PGM1: variants seen among roughly 807,000 people sequenced by gnomAD.
PGM1 encodes the protein phosphoglucomutase-1.
In PGM1, 52 loss-of-function variants were observed where a neutral mutation model predicts 55.6. The ratio of observed to expected loss-of-function variants is 0.94; its 90% CI spans 0.75 to 1.18. The LOEUF (loss-of-function observed/expected upper bound fraction) is 1.18. PGM1 is among the 50% of genes most tolerant of loss of function. The pLI, the probability that PGM1 is intolerant of heterozygous loss-of-function variation, is 0.00. For missense variants in PGM1, 724 were observed against 729.3 expected, an observed-to-expected ratio of 0.99 and a Z score of 0.08; for synonymous variants, 287 against 271.7, an observed-to-expected ratio of 1.06 and a Z score of -0.55.
At position 63,604,917 on chromosome 1, in the gene PGM1, CTGT is replaced by C. The variant is rs1295289768; in HGVS notation, c.246+11184_246+11186del. On this transcript the variant is annotated intron_variant, in intron 1 of 10. Coordinates refer to ENST00000371084, the MANE Select transcript of PGM1 (RefSeq NM_002633.3). The stretch of plus-strand genomic sequence containing the variant: ...TATATAGGGAGGGAGTTACATAACT[CTGT>C]GTGTGTGTGTGTGTGTGTGTGTGTG... Among the ~76,000 whole-genome samples, 163 of 118,836 alleles carry C rather than the reference CTGT, an allele frequency of 1.4e-3. 1 individual carries two copies. Among genetic ancestry groups the C allele is most frequent in the South Asian group, 5.8e-3 (19 of 3,302 alleles). The allele number at this position is 118,836 out of a possible 152,430, so 78.0% of individuals were successfully genotyped here.
intron 1 of PGM1, among the ~76,000 whole-genome samples, chr1:63,618,024 A>G (rs1200139957): frequency 6.6e-6 from 1 of 152,206 alleles, no homozygotes; most frequent in Admixed American, 6.5e-5. Context: ...AAATAATAAC[A>G]GCAGATCCTT....
intron 1 of PGM1, chr1:63,594,024 T>A: frequency 1.8e-6 from 2 of 1,112,544 alleles, no homozygotes; most frequent in Non-Finnish European, 2.2e-6. Context: ...TCTCCGTCTC[T>A]AGCCGCTGCC....
intron 1 of PGM1, among the ~76,000 whole-genome samples, chr1:63,615,899 T>A (rs1438250241): frequency 6.6e-6 from 1 of 152,080 alleles, no homozygotes; most frequent in Non-Finnish European, 1.5e-5. Flanking sequence ...ATTTCCCTTG[T>A]GATCTTGGTG....
At chr1:63,651,340 T>G (rs1649801268) in intron 8 of PGM1, 1 of 291,410 alleles carries the variant, frequency 3.4e-6, no homozygotes. Flanking sequence ...TCATTTTACC[T>G]CCTCAGGATG....
rs140035988 is a variant in PGM1, at chr1:63,638,799, C to T, written c.1143C>T (p.Thr381=). The T allele has an allele frequency of 1.2e-4, 194 of 1,602,308 alleles. No homozygotes were observed. The highest frequency in any genetic ancestry group is 1.0e-3 in the African/African-American group (75 of 74,802). The change falls in exon 7 of 11, where the codon ACC becomes ACT. Residue 381 remains threonine (T), a splice_region_variant and synonymous_variant. Transcript: ENST00000371084. ...LSLCGEESFG[T]GSDHIREKDG... is the part of the protein sequence containing the mutation. The stretch of plus-strand genomic sequence containing the variant: ...TTTGTGGGGAGGAGAGCTTCGGGAC[C>T]GGTAAGTCACACTCCTGTGCTAGCA...
chr1:63,654,622 T>C (rs1649911310), intron 10 of PGM1, among the ~76,000 whole-genome samples, 156 bp downstream of exon 10: 1 of 152,078 alleles, frequency 6.6e-6, no homozygotes, highest in Non-Finnish European at 1.5e-5. Flanking sequence ...GTCAACATTA[T>C]AGATAATAAT....
chr1:63,625,286 A>G (rs1008325815), intron 1 of PGM1, among the ~76,000 whole-genome samples: 1 of 152,206 alleles, frequency 6.6e-6, no homozygotes, highest in African/African-American at 2.4e-5. Context: ...AATTGACTAA[A>G]TATGGTAGCT....
chr1:63,614,137 A>G lies in PGM1; in HGVS notation c.247-15288A>G, dbSNP rs1351100671. ...ATATTCACTGTGCTGAGCACTTTACATGATCTCATATAGTCTTTTCAACAA... is the reference window on the plus strand; with the variant it reads ...ATATTCACTGTGCTGAGCACTTTACGTGATCTCATATAGTCTTTTCAACAA... On this transcript the variant is annotated intron_variant, in intron 1 of 10. Transcript: ENST00000371084. 2.0e-5 allele frequency among the ~76,000 whole-genome samples: 3 copies of G among 152,228 alleles called. No individual in the cohort carries two copies. In the East Asian group the frequency reaches 5.8e-4, roughly 29 times the overall value.
intron 1 of PGM1, among the ~76,000 whole-genome samples, chr1:63,613,060 C>T (rs1042072301): frequency 9.9e-5 from 15 of 152,090 alleles, no homozygotes; most frequent in African/African-American, 3.6e-4. Flanking sequence ...GAGATGCAGT[C>T]TCTCCATACC....
chr1:63,593,791 C>G (rs535087550), intron 1 of PGM1, 57 bp downstream of exon 1: 4 of 1,492,668 alleles, frequency 2.7e-6, no homozygotes, highest in Admixed American at 2.2e-5. Context: ...CGACGTGCGG[C>G]CCGCGGCGCC....
chr1:63,593,904 C>T (rs1647954102), intron 1 of PGM1, 170 bp downstream of exon 1: 9 of 1,245,146 alleles, frequency 7.2e-6, no homozygotes, highest in Non-Finnish European at 9.0e-6. Context: ...GGAGGCCCGA[C>T]GGAGGTCGCC....
intron 7 of PGM1, among the ~76,000 whole-genome samples, chr1:63,642,955 C>T (rs1649556362): frequency 6.6e-6 from 1 of 152,184 alleles, no homozygotes; most frequent in Admixed American, 6.5e-5. Context: ...AAGGCCTTCT[C>T]ATAGAGGGCT....
chr1:63,631,405 C>A (rs1489234852), intron 3 of PGM1, among the ~76,000 whole-genome samples: 1 of 152,198 alleles, frequency 6.6e-6, no homozygotes, highest in Non-Finnish European at 1.5e-5. Flanking sequence ...CTTAACCCTT[C>A]ACACGTCGAG....
chr1:63,645,149 G>T (rs569031816), intron 7 of PGM1, among the ~76,000 whole-genome samples: 149 of 152,336 alleles, frequency 9.8e-4, no homozygotes, highest in Non-Finnish European at 1.7e-3. Context: ...AGAGGCTGAG[G>T]ATTATGCAAT....
chr1:63,627,053 AC>A (rs56944675), intron 1 of PGM1, among the ~76,000 whole-genome samples: 31,839 of 93,074 alleles, frequency 0.34, 5,441 homozygotes, highest in East Asian at 0.43. Context: ...ATATGGCAGG[AC>A]CCCCCCCCCC....
chr1:63,659,480 A>G, intron 10 of PGM1, 106 bp from the exon 11 acceptor site: 1 of 866,744 alleles, frequency 1.2e-6, no homozygotes, highest in South Asian at 1.4e-5. Flanking sequence ...GTGGAGTTTG[A>G]GGAGCCTTGG....
intron 1 of PGM1, among the ~76,000 whole-genome samples, chr1:63,628,912 G>T (rs569838905): frequency 2.0e-5 from 3 of 152,182 alleles, no homozygotes; most frequent in Non-Finnish European, 2.9e-5. Context: ...AGCTTGACTG[G>T]AAAGATAAAT....
In PGM1 at chr1:63,659,205, C is replaced by T. The variant is rs549041131; in HGVS notation, c.1600-381C>T. The stretch of plus-strand genomic sequence containing the variant: ...GCACAAGTGGATGTGGAGGCACTCA[C>T]TGCTCCAGGTAAGAGACAGGACATT... On this transcript the variant is annotated intron_variant, in intron 10 of 10. Coordinates refer to ENST00000371084, the MANE Select transcript of PGM1 (RefSeq NM_002633.3). 2.6e-5 allele frequency among the ~76,000 whole-genome samples: 4 copies of T among 152,318 alleles called. No homozygotes were observed. In the East Asian group the frequency reaches 7.7e-4, roughly 29 times the overall value.
At chr1:63,614,688 C>T (rs1648662702) in intron 1 of PGM1, among the ~76,000 whole-genome samples, 1 of 152,178 alleles carries the variant, frequency 6.6e-6, no homozygotes, top group South Asian at 2.1e-4. Context: ...GAATGATATA[C>T]AGACAGTTCA....
Sources: allele counts gnomAD v4.1 joint callset (sites outside exome capture counted in the v4.1 genomes callset), GRCh38; gene constraint gnomAD v4.1.1; transcripts MANE v1.5; gene names NCBI Gene and HGNC (gene_info 2026-07-23, HGNC 2026-07-21).